The following PDE1C variants were observed in gnomAD, a reference collection of about 807,000 sequenced individuals.
PDE1C encodes the protein phosphodiesterase 1C, also known as dual specificity calcium/calmodulin-dependent 3',5'-cyclic nucleotide phosphodiesterase 1C.
PDE1C carries 62 observed loss-of-function variants against 93.1 expected under a neutral mutation model. The ratio of observed to expected loss-of-function variants is 0.67; its 90% CI spans 0.54 to 0.82. PDE1C has a LOEUF of 0.82. Among genes scored for constraint, PDE1C ranks in the 40% least tolerant of loss-of-function variants. The pLI, the probability that PDE1C is intolerant of heterozygous loss-of-function variation, is 0.00. For missense variants in PDE1C, 742 were observed against 884.6 expected (o/e 0.84, Z 2.04); for synonymous variants, 325 against 310.1 (o/e 1.05, Z -0.50).
chr7:31,863,408 G>A (rs772110363), intron 7 of PDE1C, among the ~76,000 whole-genome samples: 2 of 152,082 alleles, frequency 1.3e-5, no homozygotes, highest in Non-Finnish European at 2.9e-5. Flanking sequence ...ATTGCATACT[G>A]CATTCTTGAG....
At chr7:31,789,689 T>G (rs977676047) in intron 16 of PDE1C, 2 of 984,934 alleles carry the variant, frequency 2.0e-6, no homozygotes, top group African/African-American at 3.5e-5. Context: ...GAAAGGAAAT[T>G]GGAGAAAACA....
chr7:31,703,361 C>T, the PDE1C span, among the ~76,000 whole-genome samples: 12 of 152,320 alleles, frequency 7.9e-5, no homozygotes, highest in African/African-American at 2.6e-4. Context: ...GCCTACATCC[C>T]AATATCTACA....
chr7:32,407,159 C>G (rs1785070365), intron 1 of PDE1C, among the ~76,000 whole-genome samples: 1 of 151,810 alleles, frequency 6.6e-6, no homozygotes, highest in African/African-American at 2.4e-5. Context: ...CCTATAATCC[C>G]AGCCACTTGG....
chr7:32,005,916 A>G (rs1786188297), intron 2 of PDE1C, among the ~76,000 whole-genome samples: 2 of 152,172 alleles, frequency 1.3e-5, no homozygotes, highest in Admixed American at 6.5e-5. Context: ...ACACACTTAC[A>G]TGTTCAAGCC....
chr7:31,958,478 C>G (rs6462316), intron 2 of PDE1C, among the ~76,000 whole-genome samples: 1 of 152,148 alleles, frequency 6.6e-6, no homozygotes, highest in Admixed American at 6.5e-5. Flanking sequence ...TTTTGCAAAG[C>G]TGCCTTTTGC....
chr7:31,779,823 A>G (rs1783269067), intron 16 of PDE1C, among the ~76,000 whole-genome samples: 1 of 152,082 alleles, frequency 6.6e-6, no homozygotes, highest in African/African-American at 2.4e-5. Context: ...TCAAAGTTCC[A>G]CTCATGGGAG....
At chr7:32,309,608 G>C (rs1032249374) in intron 1 of PDE1C, among the ~76,000 whole-genome samples, 1 of 152,178 alleles carries the variant, frequency 6.6e-6, no homozygotes, top group Admixed American at 6.5e-5. Flanking sequence ...CATTCTTATA[G>C]AAAAGAATTT....
chr7:31,984,117 G>A (rs1017230307), intron 2 of PDE1C, among the ~76,000 whole-genome samples: 10 of 152,136 alleles, frequency 6.6e-5, no homozygotes, highest in South Asian at 2.1e-4. Flanking sequence ...TCAGGGGTCC[G>A]CAAACCCAAG....
chr7:32,255,051 A>G (rs1392210057), intron 1 of PDE1C, among the ~76,000 whole-genome samples: 3 of 152,330 alleles, frequency 2.0e-5, no homozygotes, highest in East Asian at 1.9e-4. Flanking sequence ...CCCATTGCCA[A>G]AGTATTCCCA....
At chr7:31,800,834 T>C (rs1785918409) in intron 16 of PDE1C, among the ~76,000 whole-genome samples, 1 of 151,380 alleles carries the variant, frequency 6.6e-6, no homozygotes, top group Non-Finnish European at 1.5e-5. Context: ...GGGAAGAATT[T>C]ACATGTCACC....
intron 2 of PDE1C, among the ~76,000 whole-genome samples, chr7:32,175,365 C>T (rs1366400307): frequency 2.6e-5 from 4 of 152,158 alleles, no homozygotes; most frequent in South Asian, 2.1e-4. Flanking sequence ...TGTGTAATAG[C>T]GTTTTGTCTA....
intron 1 of PDE1C, among the ~76,000 whole-genome samples, chr7:32,296,595 C>G (rs1185156245): frequency 2.0e-5 from 3 of 152,186 alleles, no homozygotes; most frequent in Admixed American, 1.3e-4. Context: ...TTCTGACCAC[C>G]AGACCATACC....
intron 2 of PDE1C, among the ~76,000 whole-genome samples, chr7:31,948,530 C>T (rs926369132): frequency 4.6e-5 from 7 of 152,140 alleles, no homozygotes; most frequent in East Asian, 1.9e-4. Flanking sequence ...ATGAAGGTTA[C>T]GAATCAGTAG....
intron 7 of PDE1C, among the ~76,000 whole-genome samples, chr7:31,852,147 T>C (rs929657058): frequency 6.6e-6 from 1 of 152,196 alleles, no homozygotes. Flanking sequence ...ACTACTAATT[T>C]TGGAGAATTA....
At chr7:32,426,274 CTT>C (rs11332404) in intron 1 of PDE1C, among the ~76,000 whole-genome samples, 40,464 of 138,636 alleles carry the variant, frequency 0.29, 5,877 homozygotes, top group East Asian at 0.46. Context: ...TATATTTGTA[CTT>C]TTTTTTTTTT....
At chr7:32,355,030 A>C (rs190301315) in intron 1 of PDE1C, among the ~76,000 whole-genome samples, 12 of 152,254 alleles carry the variant, frequency 7.9e-5, no homozygotes, top group Admixed American at 2.0e-4. Flanking sequence ...CAGAGTCAGG[A>C]GCTCTCATCC....
the PDE1C span, among the ~76,000 whole-genome samples, chr7:31,675,163 C>G: frequency 6.6e-6 from 1 of 152,134 alleles, no homozygotes; most frequent in Non-Finnish European, 1.5e-5. Context: ...TCAGAGCTGT[C>G]AAGATGTGGT....
chr7:32,355,167 G>A (rs2128083641), intron 1 of PDE1C, among the ~76,000 whole-genome samples: 1 of 152,304 alleles, frequency 6.6e-6, no homozygotes, highest in South Asian at 2.1e-4. Flanking sequence ...GCCAGAGCTG[G>A]CTCAAGTAAA....
At chr7:31,764,344 C>T (rs754411113) in intron 17 of PDE1C, among the ~76,000 whole-genome samples, 8 of 152,088 alleles carry the variant, frequency 5.3e-5, no homozygotes, top group Non-Finnish European at 1.0e-4. Flanking sequence ...TGGGGTTTCA[C>T]CAGGTTGGCC....
Sources: gnomAD v4.1 joint callset for allele counts (sites outside exome capture counted in the v4.1 genomes callset) on GRCh38, gnomAD v4.1.1 for gene constraint, MANE v1.5 for transcripts, NCBI Gene and HGNC (gene_info 2026-07-23, HGNC 2026-07-21) for gene names.